PLEKHH3: variants seen among roughly 807,000 people sequenced by gnomAD.
PLEKHH3 encodes pleckstrin homology domain-containing family H member 3.
In PLEKHH3, 57 loss-of-function variants were observed where a neutral mutation model predicts 77.8. The observed-to-expected ratio is 0.73, with a 90% CI of 0.59 to 0.91. PLEKHH3 has a LOEUF of 0.91. Among genes scored for constraint, PLEKHH3 ranks in the 40% least tolerant of loss-of-function variants. The pLI, the probability that PLEKHH3 is intolerant of heterozygous loss-of-function variation, is 0.00. For missense variants in PLEKHH3, 1,082 were observed against 1,091.2 expected (o/e 0.99, Z 0.12); for synonymous variants, 467 against 504.8 (o/e 0.93, Z 1.00).
Position 42,671,363 on chromosome 17 carries a change from G to T in PLEKHH3, c.1272C>A (p.Thr424=), listed in dbSNP as rs138910601. The change falls in exon 8 of 13, where the codon ACC becomes ACA. Residue 424 remains threonine, a synonymous_variant. Coordinates refer to ENST00000591022, the MANE Select transcript of PLEKHH3 (RefSeq NM_024927.5). The surrounding 1 kb of genome is among the most constrained non-coding windows in gnomAD (Gnocchi z 4.7). ...TCTCTGGCCTCACCTCCCCCGCCGTGGTGTGGGAGTCGATGGCCACAGCAC... is the reference window on the plus strand; with the variant it reads ...TCTCTGGCCTCACCTCCCCCGCCGTTGTGTGGGAGTCGATGGCCACAGCAC... The part of the protein sequence containing the change: ...GACAVAIDSH[T]TAGEVARELV... 105 of 1,612,764 alleles carry T rather than the reference G, an allele frequency of 6.5e-5. No homozygotes were observed. Among genetic ancestry groups the T allele is most frequent in the Non-Finnish European group, 8.6e-5 (102 of 1,179,904 alleles).
chr17:42,670,697 G>C lies in PLEKHH3; in HGVS notation c.1430C>G (p.Ala477Gly), dbSNP rs757868240. Reference protein sequence around the residue: ...DVLTRFENLAAEEAGLEDSPD... With the variant: ...DVLTRFENLAGEEAGLEDSPD... ...CGAGTCCTCCAACCCAGCTTCCTCC[G>C]CGGCCAAGCTGCAGAAGAGGAGCGG... Residue 477 changes from alanine to glycine, a missense_variant, in exon 10 of 13, where the codon GCG becomes GGG. Physicochemically the swap from Ala to Gly is moderately conservative, Grantham distance 60. Coordinates refer to ENST00000591022, the MANE Select transcript of PLEKHH3 (RefSeq NM_024927.5). The C allele has an allele frequency of 6.2e-7, 1 of 1,612,216 alleles. No individual in the cohort carries two copies. The highest frequency in any genetic ancestry group is 1.3e-5 in the African/African-American group (1 of 74,896).
chr17:42,670,130 C>T lies in PLEKHH3; in HGVS notation c.1801G>A (p.Ala601Thr). The change falls in exon 11 of 13, where the codon GCG becomes ACG. Residue 601 changes from alanine to threonine, a missense_variant. Ala to Thr is a moderately conservative substitution (Grantham distance 58). Coordinates refer to ENST00000591022, the MANE Select transcript of PLEKHH3 (RefSeq NM_024927.5). ...GCCCCGCCGCGCCGGGCCCGCTCCG[C>T]CCGCCTCTTGGCCAGGCCCGGGCTC... ...LWSPGLAKRR[A>T]ERARRGGAGR... 7.9e-7 allele frequency: 1 copy of T among 1,270,770 alleles called. No homozygotes were observed. The highest frequency in any genetic ancestry group is 9.9e-7 in the Non-Finnish European group (1 of 1,014,028). 78.7% of individuals were successfully genotyped at this position (1,270,770 alleles called of 1,614,324 possible).
rs200030626 is a variant in PLEKHH3 at position 42,671,068 on chromosome 17, G to T, written c.1347C>A (p.Tyr449Ter). 103 of 1,609,110 alleles carry T rather than the reference G, an allele frequency of 6.4e-5. No homozygotes were observed. The highest frequency in any genetic ancestry group is 8.5e-7 in the Non-Finnish European group (1 of 1,178,020). ...CTCGCTCCTGGGCCCCTCGCTGCTC[G>T]TACAGCGCGAATGCGTTGCGGCTCC... ...LARSRNAFAL[Y>*]EQRGAQERAL... The change falls in exon 9 of 13, where the codon TAC (tyrosine) becomes TAA (stop). Residue 449 changes from tyrosine (Y) to a stop codon, truncating the protein, a stop_gained. Transcript: ENST00000591022. LOFTEE classifies it high-confidence loss of function. This position sits in a 1 kb window ranked among gnomAD's most constrained non-coding sequence, Gnocchi z 4.7.
In PLEKHH3 at chr17:42,676,286, C is replaced by A; in HGVS notation, c.162+116G>T. On this transcript the variant is annotated intron_variant, in intron 1 of 12. Coordinates refer to ENST00000591022, the MANE Select transcript of PLEKHH3 (RefSeq NM_024927.5). This position sits in a 1 kb window ranked among gnomAD's most constrained non-coding sequence, Gnocchi z 6.6. ...CTTTGGCCCCCAGGCAAAAAACTCT[C>A]CCTCATCCCTAGTTCGCCAAGCGCG... 1 of 1,517,046 alleles carries A rather than the reference C, an allele frequency of 6.6e-7. No homozygotes were observed. 94.0% of individuals were successfully genotyped at this position (1,517,046 alleles called of 1,614,324 possible).
rs546294588 is a variant in PLEKHH3, at chr17:42,668,289, C to G, written c.2220G>C (p.Met740Ile). 6.4e-7 allele frequency: 1 copy of G among 1,551,348 alleles called. No homozygotes were observed. The highest frequency in any genetic ancestry group is 1.4e-5 in the African/African-American group (1 of 70,182). Residue 740 changes from methionine to isoleucine, a missense_variant, in exon 13 of 13, where the codon ATG (methionine) becomes ATC (isoleucine). By Grantham distance (10) the Met-to-Ile change is conservative. This residue lies in a region of PLEKHH3 where 733 missense variants were observed against 750.0 expected (regional missense o/e 0.98). Transcript: ENST00000591022. Reference sequence around the variant, plus strand: ...TGGCCAAGTAGGCATTCACCAGCTGCATGATCTCTTCCACCTAAGAGAGGG... The same window carrying G: ...TGGCCAAGTAGGCATTCACCAGCTGGATGATCTCTTCCACCTAAGAGAGGG... ...LLQSPQVEEI[M>I]QLVNAYLANP...
chr17:42,668,211 C>A lies in PLEKHH3; in HGVS notation c.2298G>T (p.Leu766=). 6.4e-7 allele frequency: 1 copy of A among 1,559,462 alleles called. No homozygotes were observed. The highest frequency in any genetic ancestry group is 2.0e-5 in the Admixed American group (1 of 48,996). The change falls in exon 13 of 13, where the codon CTG becomes CTT. Residue 766 remains leucine, a synonymous_variant. Coordinates refer to ENST00000591022, the MANE Select transcript of PLEKHH3 (RefSeq NM_024927.5). The part of the protein sequence containing the change: ...CSSSSPPCQD[L]PDTSPPSQRP... ...GCTGGCTGGGAGGGGAGGTGTCTGG[C>A]AGGTCTTGGCATGGAGGAGAAGAGC... is the stretch of plus-strand genomic sequence containing the variant.
intron 10 of PLEKHH3, 29 bp downstream of exon 10, chr17:42,670,540 CTGTT>C (rs765332630): frequency 2.5e-6 from 4 of 1,586,808 alleles, no homozygotes; most frequent in African/African-American, 1.3e-5. Flanking sequence ...GCTTGGGGGT[CTGTT>C]TGGAGGCGTG....
Position 42,671,852 on chromosome 17 carries a change from G to A in PLEKHH3, c.1076+234C>T, listed in dbSNP as rs978413394. ...TTACTACATTTTCCTAAGCCCTGGC[G>A]CTGGCCTGCATCAGCTGGAGGAAAA... On this transcript the variant is annotated intron_variant, in intron 7 of 12. Coordinates refer to ENST00000591022, the MANE Select transcript of PLEKHH3 (RefSeq NM_024927.5). The surrounding 1 kb of genome is among the most constrained non-coding windows in gnomAD (Gnocchi z 4.7). Among the ~76,000 whole-genome samples, 1 of 152,102 alleles carries A rather than the reference G, an allele frequency of 6.6e-6. No homozygotes were observed. Among genetic ancestry groups the A allele is most frequent in the African/African-American group, 2.4e-5 (1 of 41,412 alleles).
Position 42,668,409 on chromosome 17 carries a change from C to T in PLEKHH3, c.2206-106G>A, listed in dbSNP as rs943143238. The T allele has an allele frequency of 1.1e-5, 11 of 982,736 alleles. No homozygotes were observed. In the South Asian group the frequency reaches 1.4e-4, roughly 13 times the overall value. 60.9% of individuals were successfully genotyped at this position (982,736 alleles called of 1,614,324 possible). A position where few individuals can be genotyped will look rare whatever the true frequency, so the allele number is the denominator to read the frequency against. ...CTCCAGCTTCCCCACCAGGGTCCTA[C>T]GTGCTCTGGCCCTGCAACCTTTCCT... On this transcript the variant is annotated intron_variant, in intron 12 of 12. Coordinates refer to ENST00000591022, the MANE Select transcript of PLEKHH3 (RefSeq NM_024927.5).
rs1195611167 is a variant in PLEKHH3, at chr17:42,673,669, C to A, written c.464G>T (p.Gly155Val). ...TGTCTCCTTACGCCTGCGCTCTGGG[C>A]CGGTCACCGAGCACAGGCTGGTGAG... ...LVLTSLCSVT[G>V]PERRRKETGL... The change falls in exon 4 of 13, where the codon GGC becomes GTC. Residue 155 changes from glycine (G) to valine (V), a missense_variant. Gly to Val is a moderately radical substitution (Grantham distance 109). Transcript: ENST00000591022. 12 of 1,602,508 alleles carry A rather than the reference C, an allele frequency of 7.5e-6. No homozygotes were observed. Among genetic ancestry groups the A allele is most frequent in the South Asian group, 1.1e-5 (1 of 91,040 alleles).
rs1441528538 is a variant in PLEKHH3, at chr17:42,670,335, G to C, written c.1596C>G (p.Asp532Glu). ...GCGCCGCCAGGGCGCGCAGCGTGTCGTCGGGTGGGGGCGGCCGGCCCCGCA... is the reference window on the plus strand; with the variant it reads ...GCGCCGCCAGGGCGCGCAGCGTGTCCTCGGGTGGGGGCGGCCGGCCCCGCA... The part of the protein sequence containing the change: ...LLLRGRPPPP[D>E]DTLRALAALR... The change falls in exon 11 of 13, where the codon GAC becomes GAG. Residue 532 changes from aspartate to glutamate, a missense_variant. Physicochemically the swap from Asp to Glu is conservative, Grantham distance 45. Coordinates refer to ENST00000591022, the MANE Select transcript of PLEKHH3 (RefSeq NM_024927.5). 1 of 1,399,278 alleles carries C rather than the reference G, an allele frequency of 7.1e-7. No homozygotes were observed. Among genetic ancestry groups the C allele is most frequent in the East Asian group, 2.9e-5 (1 of 34,046 alleles). The allele number at this position is 1,399,278 out of a possible 1,614,324, so 86.7% of individuals were successfully genotyped here.
chr17:42,669,450 G>T lies in PLEKHH3; in HGVS notation c.2185C>A (p.Leu729Ile). Residue 729 changes from leucine (L) to isoleucine (I), a missense_variant, in exon 12 of 13, where the codon CTC becomes ATC. Transcript: ENST00000591022. ...CTCACCTGGGGGCTCTGCAGGAGGA[G>T]CTGGCTCTCTCCCACCCTCAAGGCC... ...TLALRVGESQ[L>I]LLQSPQVEEI... The T allele has an allele frequency of 6.4e-7, 1 of 1,557,144 alleles. No individual in the cohort carries two copies. The highest frequency in any genetic ancestry group is 1.2e-5 in the South Asian group (1 of 84,262).
Position 42,668,126 on chromosome 17 carries a change from C to T in PLEKHH3, c.*1G>A, listed in dbSNP as rs776393725. On this transcript the variant is annotated 3_prime_UTR_variant, in exon 13 of 13. Coordinates refer to ENST00000591022, the MANE Select transcript of PLEKHH3 (RefSeq NM_024927.5). Reference sequence around the variant, plus strand: ...AGGGAAGTCGTGACCTCTTGGCAGGCTCAGTCCTGCAGCTGCCCCAAGCAG... The same window carrying T: ...AGGGAAGTCGTGACCTCTTGGCAGGTTCAGTCCTGCAGCTGCCCCAAGCAG... 9 of 1,429,488 alleles carry T rather than the reference C, an allele frequency of 6.3e-6. No homozygotes were observed. In the Admixed American group the frequency reaches 2.8e-4, roughly 45 times the overall value. 88.6% of individuals were successfully genotyped at this position (1,429,488 alleles called of 1,614,324 possible).
At chr17:42,672,990 C>T (rs1356030525) in intron 6 of PLEKHH3, among the ~76,000 whole-genome samples, 186 bp downstream of exon 6, 1 of 152,138 alleles carries the variant, frequency 6.6e-6, no homozygotes, top group Non-Finnish European at 1.5e-5. Context: ...AAAGGGGGCC[C>T]TTTTGTGTGT....
Position 42,667,971 on chromosome 17 carries a change from G to T in PLEKHH3, c.*156C>A. 1.2e-5 allele frequency: 6 copies of T among 503,414 alleles called. No individual in the cohort carries two copies. The highest frequency in any genetic ancestry group is 1.8e-5 in the Non-Finnish European group (6 of 328,324). The allele number at this position is 503,414 out of a possible 1,614,324, so 31.2% of individuals were successfully genotyped here. A position where few individuals can be genotyped will look rare whatever the true frequency, so the allele number is the denominator to read the frequency against. ...TGCTTCTCTTCTACAAATAAATTAAGAAACAAACTAGAAAATTACCCACAC... is the reference window on the plus strand; with the variant it reads ...TGCTTCTCTTCTACAAATAAATTAATAAACAAACTAGAAAATTACCCACAC... On this transcript the variant is annotated 3_prime_UTR_variant, in exon 13 of 13. Transcript: ENST00000591022.
intron 6 of PLEKHH3, 80 bp from the exon 7 acceptor site, chr17:42,672,472 G>T: frequency 1.6e-6 from 2 of 1,265,184 alleles, no homozygotes; most frequent in South Asian, 1.5e-5. Flanking sequence ...TGAACCAGGG[G>T]AAGGTCAGAG....
In PLEKHH3 at chr17:42,668,280, C is replaced by T. The variant is rs1322520149; in HGVS notation, c.2229G>A (p.Val743=). 2 of 1,554,064 alleles carry T rather than the reference C, an allele frequency of 1.3e-6. No homozygotes were observed. The highest frequency in any genetic ancestry group is 1.7e-6 in the Non-Finnish European group (2 of 1,158,266). The change falls in exon 13 of 13, where the codon GTG becomes GTA. Residue 743 remains valine, a synonymous_variant. Coordinates refer to ENST00000591022, the MANE Select transcript of PLEKHH3 (RefSeq NM_024927.5). ...GGGAGGGGTTGGCCAAGTAGGCATTCACCAGCTGCATGATCTCTTCCACCT... is the reference window on the plus strand; with the variant it reads ...GGGAGGGGTTGGCCAAGTAGGCATTTACCAGCTGCATGATCTCTTCCACCT... ...SPQVEEIMQL[V]NAYLANPSPE...
chr17:42,676,774 G>C lies in PLEKHH3; in HGVS notation c.-211C>G. On this transcript the variant is annotated 5_prime_UTR_variant, in exon 1 of 13. Transcript: ENST00000591022. The surrounding 1 kb of genome is among the most constrained non-coding windows in gnomAD (Gnocchi z 6.6). The stretch of plus-strand genomic sequence containing the variant: ...GGGGCTCAGTGTCTGGGCCCCCGGA[G>C]GGGGGAGGGGGAAAAGCGTCCAGGG... 1.7e-6 allele frequency: 1 copy of C among 600,714 alleles called. No individual in the cohort carries two copies. The highest frequency in any genetic ancestry group is 2.9e-6 in the Non-Finnish European group (1 of 339,742). 37.2% of individuals were successfully genotyped at this position (600,714 alleles called of 1,614,324 possible). A position where few individuals can be genotyped will look rare whatever the true frequency, so the allele number is the denominator to read the frequency against.
rs376062368 is a variant in PLEKHH3 at position 42,668,172 on chromosome 17, G to T, written c.2337C>A (p.Asp779Glu). 20 of 1,527,690 alleles carry T rather than the reference G, an allele frequency of 1.3e-5. No homozygotes were observed. Among genetic ancestry groups the T allele is most frequent in the Non-Finnish European group, 1.6e-5 (18 of 1,145,308 alleles). The allele number at this position is 1,527,690 out of a possible 1,614,324, so 94.6% of individuals were successfully genotyped here. A position where few individuals can be genotyped will look rare whatever the true frequency, so the allele number is the denominator to read the frequency against. ...AGCAGCCAGACTGTCCCTGGGGCTC[G>T]TCCAGGCCCGGGCGCTGGCTGGGAG... ...TSPPSQRPGL[D>E]EPQGQSGCLG... The change falls in exon 13 of 13, where the codon GAC becomes GAA. Residue 779 changes from aspartate (D) to glutamate (E), a missense_variant. By Grantham distance (45) the Asp-to-Glu change is conservative. Coordinates refer to ENST00000591022, the MANE Select transcript of PLEKHH3 (RefSeq NM_024927.5).
Sources: allele counts gnomAD v4.1 joint callset (sites outside exome capture counted in the v4.1 genomes callset), GRCh38; gene constraint gnomAD v4.1.1; regional missense constraint gnomAD v4.1.1; non-coding constraint Gnocchi (gnomAD v3.1); transcripts MANE v1.5; gene names NCBI Gene and HGNC (gene_info 2026-07-23, HGNC 2026-07-21).